Variants in NRG3 observed in about 807,000 individuals in gnomAD.
NRG3 encodes the protein neuregulin 3.
NRG3 carries 31 observed loss-of-function variants against 66.9 expected under a neutral mutation model. The observed-to-expected ratio is 0.46, with a 90% CI of 0.35 to 0.63. The LOEUF (loss-of-function observed/expected upper bound fraction) is 0.63, where lower values mean the gene tolerates loss of function less well. Among genes scored for constraint, NRG3 ranks in the 20% least tolerant of loss-of-function variants. The probability of loss-of-function intolerance (pLI) is 0.00; values close to 1 mark genes in which losing one functional copy is unlikely to be tolerated. For missense variants in NRG3, 910 were observed against 878.9 expected (o/e 1.04, Z -0.45); for synonymous variants, 393 against 359.4 (o/e 1.09, Z -1.06).
chr10:82,253,998 C>T (rs1342499917), intron 1 of NRG3, among the ~76,000 whole-genome samples: 2 of 152,204 alleles, frequency 1.3e-5, no homozygotes, highest in African/African-American at 4.8e-5. Flanking sequence ...TTCACTATTT[C>T]AAGATCTCAA....
At chr10:81,942,539 T>C (rs1433887422) in intron 1 of NRG3, among the ~76,000 whole-genome samples, 1 of 152,184 alleles carries the variant, frequency 6.6e-6, no homozygotes, top group African/African-American at 2.4e-5. Context: ...TCCTTGAAAA[T>C]TCCATTTTTC....
intron 1 of NRG3, among the ~76,000 whole-genome samples, chr10:82,238,039 G>A (rs2076839493): frequency 6.6e-6 from 1 of 152,094 alleles, no homozygotes; most frequent in African/African-American, 2.4e-5. Context: ...TCATAAATTT[G>A]AAGGTACTGA....
At chr10:82,804,968 A>G (rs2061218010) in intron 3 of NRG3, among the ~76,000 whole-genome samples, 1 of 152,216 alleles carries the variant, frequency 6.6e-6, no homozygotes, top group Admixed American at 6.5e-5. Flanking sequence ...GGTTAGTACT[A>G]CTGGGGGTTA....
intron 1 of NRG3, among the ~76,000 whole-genome samples, chr10:82,119,970 TC>T (rs1355532256): frequency 6.6e-6 from 1 of 152,034 alleles, no homozygotes; most frequent in Admixed American, 6.6e-5. Flanking sequence ...CTGTGATTCC[TC>T]CCCCTAAATA....
intron 1 of NRG3, among the ~76,000 whole-genome samples, chr10:82,201,588 C>A (rs1042703679): frequency 6.6e-6 from 1 of 152,036 alleles, no homozygotes; most frequent in Non-Finnish European, 1.5e-5. Context: ...ATTGAGAAGG[C>A]AAACCTTCAA....
chr10:82,962,302 G>C (rs1446697539), intron 6 of NRG3, among the ~76,000 whole-genome samples: 1 of 152,182 alleles, frequency 6.6e-6, no homozygotes, highest in Non-Finnish European at 1.5e-5. Context: ...CAAGGCAAAG[G>C]AGTGAAACTT....
At chr10:82,777,717 G>A (rs182437357) in intron 3 of NRG3, among the ~76,000 whole-genome samples, 3 of 152,282 alleles carry the variant, frequency 2.0e-5, no homozygotes, top group East Asian at 1.9e-4. Context: ...AGCAGTGGAG[G>A]ACAGAGACAT....
intron 1 of NRG3, among the ~76,000 whole-genome samples, chr10:82,296,120 T>C (rs1365511924): frequency 6.6e-6 from 1 of 152,160 alleles, no homozygotes; most frequent in Non-Finnish European, 1.5e-5. Flanking sequence ...AGGTTGGGCA[T>C]GAGCATTTCA....
intron 1 of NRG3, among the ~76,000 whole-genome samples, chr10:81,924,405 T>TAC (rs1846563757): frequency 6.6e-6 from 1 of 152,256 alleles, no homozygotes; most frequent in Non-Finnish European, 1.5e-5. Flanking sequence ...CAAAGCTGTT[T>TAC]ACATAGAGGA....
chr10:82,983,732 G>A (rs1287979659), intron 8 of NRG3, among the ~76,000 whole-genome samples: 1 of 152,200 alleles, frequency 6.6e-6, no homozygotes, highest in Non-Finnish European at 1.5e-5. Flanking sequence ...GATGTTAGCT[G>A]TTGTTATTAA....
chr10:82,477,326 G>A (rs753266726), intron 2 of NRG3, among the ~76,000 whole-genome samples: 13 of 152,088 alleles, frequency 8.5e-5, no homozygotes, highest in African/African-American at 1.2e-4. Flanking sequence ...CATGACCAAC[G>A]CAGTGAGATG....
At chr10:82,712,197 G>T (rs1170260237) in intron 2 of NRG3, among the ~76,000 whole-genome samples, 1 of 39,876 alleles carries the variant, frequency 2.5e-5, no homozygotes, top group African/African-American at 7.5e-5. Flanking sequence ...GGAAAAATAG[G>T]GATTTTATAT....
chr10:82,168,734 C>T (rs2072311698), intron 1 of NRG3, among the ~76,000 whole-genome samples: 1 of 152,108 alleles, frequency 6.6e-6, no homozygotes, highest in African/African-American at 2.4e-5. Flanking sequence ...AGAGAAAGTT[C>T]TGTTTGTTTC....
chr10:82,566,295 GTTC>G (rs1258640764), intron 2 of NRG3, among the ~76,000 whole-genome samples: 1 of 151,918 alleles, frequency 6.6e-6, no homozygotes, highest in Non-Finnish European at 1.5e-5. Context: ...ACAGTTGACT[GTTC>G]TTACTTTTTT....
chr10:82,220,655 C>G (rs527292864), intron 1 of NRG3, among the ~76,000 whole-genome samples: 2 of 152,196 alleles, frequency 1.3e-5, no homozygotes, highest in South Asian at 4.2e-4. Flanking sequence ...ATACCACATG[C>G]TTTGTACATG....
At chr10:82,457,134 T>C (rs1421922122) in intron 2 of NRG3, among the ~76,000 whole-genome samples, 1 of 152,088 alleles carries the variant, frequency 6.6e-6, no homozygotes, top group African/African-American at 2.4e-5. Flanking sequence ...AGATAATAAT[T>C]TTATGTTCAT....
chr10:82,547,686 G>A (rs2044018968), intron 2 of NRG3, among the ~76,000 whole-genome samples: 2 of 151,768 alleles, frequency 1.3e-5, no homozygotes, highest in African/African-American at 4.8e-5. Context: ...TTCAAATGGA[G>A]CCAAAACACT....
At chr10:82,201,196 CAA>C (rs35232518) in intron 1 of NRG3, among the ~76,000 whole-genome samples, 1,427 of 78,060 alleles carry the variant, frequency 0.018, 10 homozygotes, top group East Asian at 0.049. Context: ...GACTCTGTCT[CAA>C]AAAAAAAAAA....
chr10:82,355,638 C>T (rs113040589), intron 1 of NRG3, among the ~76,000 whole-genome samples: 2 of 152,104 alleles, frequency 1.3e-5, no homozygotes, highest in Admixed American at 6.5e-5. Flanking sequence ...TTAGAGTTAG[C>T]GTAGCAACCT....
Sources: allele counts gnomAD v4.1 joint callset (sites outside exome capture counted in the v4.1 genomes callset), GRCh38; gene constraint gnomAD v4.1.1; transcripts MANE v1.5; gene names NCBI Gene and HGNC (gene_info 2026-07-23, HGNC 2026-07-21).